The following DDR1 variants were observed in gnomAD, a reference collection of about 807,000 sequenced individuals.
DDR1 encodes the protein epithelial discoidin domain-containing receptor 1.
DDR1 carries 64 observed loss-of-function variants against 97.4 expected under a neutral mutation model. The observed-to-expected ratio is 0.66, with a 90% CI of 0.54 to 0.81. The LOEUF (loss-of-function observed/expected upper bound fraction) is 0.81, where lower values mean the gene tolerates loss of function less well. Ranked by LOEUF, DDR1 falls within the 30% of genes least tolerant of loss-of-function variation. The pLI, the probability that DDR1 is intolerant of heterozygous loss-of-function variation, is 0.00. For missense variants in DDR1, 990 were observed against 1,259.6 expected, an observed-to-expected ratio of 0.79 and a Z score of 3.24; for synonymous variants, 458 against 503.7, an observed-to-expected ratio of 0.91 and a Z score of 1.21.
At position 30,897,489 on chromosome 6, in the gene DDR1, A is replaced by G; in HGVS notation, c.2108A>G (p.Tyr703Cys). The change falls in exon 15 of 18, where the codon TAC becomes TGC. Residue 703 changes from tyrosine (Y) to cysteine (C), a missense_variant. Transcript: ENST00000376568. This position sits in a 1 kb window ranked among gnomAD's most constrained non-coding sequence, Gnocchi z 5.2. ...GACCCCCTCTGCATGATTACTGACTACATGGAGAACGGCGACCTCAACCAG... is the reference window on the plus strand; with the variant it reads ...GACCCCCTCTGCATGATTACTGACTGCATGGAGAACGGCGACCTCAACCAG... ...QDDPLCMITD[Y>C]MENGDLNQFL... 6.2e-7 allele frequency: 1 copy of G among 1,614,128 alleles called. No individual in the cohort carries two copies. Among genetic ancestry groups the G allele is most frequent in the Non-Finnish European group, 8.5e-7 (1 of 1,179,996 alleles).
chr6:30,899,789 C>T lies in DDR1; in HGVS notation c.*493C>T. 2.7e-6 allele frequency: 1 copy of T among 371,104 alleles called. No homozygotes were observed. The highest frequency in any genetic ancestry group is 5.0e-6 in the Non-Finnish European group (1 of 198,792). The allele number at this position is 371,104 out of a possible 1,614,324, so 23.0% of individuals were successfully genotyped here. ...GGAAAATGTTTCCTTGTGCCTGCTC[C>T]TGTACTTGTCCTCAGCTTGGGCTTC... is the stretch of plus-strand genomic sequence containing the variant. On this transcript the variant is annotated 3_prime_UTR_variant, in exon 18 of 18. Transcript: ENST00000376568.
rs138102816 is a variant in DDR1 at position 30,892,341 on chromosome 6, G to A, written c.898G>A (p.Gly300Arg). Residue 300 changes from glycine to arginine, a missense_variant, in exon 8 of 18, where the codon GGG becomes AGG. Coordinates refer to ENST00000376568, the MANE Select transcript of DDR1 (RefSeq NM_001297654.2). ...MHTLGARLPGGVECRFRRGPA... is the reference protein window; with the variant it reads ...MHTLGARLPGRVECRFRRGPA... Reference sequence around the variant, plus strand: ...CACGCTGGGAGCCCGTCTGCCTGGCGGGGTGGAATGTCGCTTCCGGCGTGG... The same window carrying A: ...CACGCTGGGAGCCCGTCTGCCTGGCAGGGTGGAATGTCGCTTCCGGCGTGG... 2.0e-5 allele frequency: 32 copies of A among 1,577,576 alleles called. No homozygotes were observed. In the African/African-American group the frequency reaches 2.8e-4, roughly 14 times the overall value.
Position 30,898,100 on chromosome 6 carries a change from C to T in DDR1, c.2244C>T (p.Ala748=), listed in dbSNP as rs767762910. 8 of 1,614,230 alleles carry T rather than the reference C, an allele frequency of 5.0e-6. No homozygotes were observed. Among genetic ancestry groups the T allele is most frequent in the Non-Finnish European group, 5.9e-6 (7 of 1,180,026 alleles). Residue 748 remains alanine, a synonymous_variant, in exon 16 of 18, where the codon GCC becomes GCT. Coordinates refer to ENST00000376568, the MANE Select transcript of DDR1 (RefSeq NM_001297654.2). ...ACCCAATGCTGCTGCATGTGGCAGC[C>T]CAGATCGCCTCCGGCATGCGCTATC... is the stretch of plus-strand genomic sequence containing the variant. ...ISYPMLLHVA[A]QIASGMRYLA...
In DDR1 at chr6:30,889,506, C is replaced by A; in HGVS notation, c.417+76C>A. ...AGCTGTACTTTAAACACCACCTATA[C>A]GCTGACGACTCTCCAGTTTATATCA... On this transcript the variant is annotated intron_variant, in intron 4 of 17. Transcript: ENST00000376568. This position sits in a 1 kb window ranked among gnomAD's most constrained non-coding sequence, Gnocchi z 4.9. 1 of 1,054,778 alleles carries A rather than the reference C, an allele frequency of 9.5e-7. No homozygotes were observed. The highest frequency in any genetic ancestry group is 1.7e-5 in the South Asian group (1 of 59,074). The allele number at this position is 1,054,778 out of a possible 1,614,324, so 65.3% of individuals were successfully genotyped here. A position where few individuals can be genotyped will look rare whatever the true frequency, so the allele number is the denominator to read the frequency against.
Position 30,896,537 on chromosome 6 carries a change from T to C in DDR1, c.1625-84T>C, listed in dbSNP as rs940238902. 2.6e-6 allele frequency: 4 copies of C among 1,510,366 alleles called. No individual in the cohort carries two copies. In the African/African-American group the frequency reaches 5.6e-5, roughly 21 times the overall value. 93.6% of individuals were successfully genotyped at this position (1,510,366 alleles called of 1,614,324 possible). ...CACTCAACCGGGAGACACAGGGCCC[T>C]CCGGGAGGCTGAGGTGTGGGGAACT... On this transcript the variant is annotated intron_variant, in intron 12 of 17. Transcript: ENST00000376568.
In DDR1 at chr6:30,890,117, G is replaced by A. The variant is rs1264322; in HGVS notation, c.417+687G>A. On this transcript the variant is annotated intron_variant, in intron 4 of 17. Coordinates refer to ENST00000376568, the MANE Select transcript of DDR1 (RefSeq NM_001297654.2). This position sits in a 1 kb window ranked among gnomAD's most constrained non-coding sequence, Gnocchi z 5.0. ...AGTCAAATCTCCACCTGGGGGGGCG[G>A]CATCCAGTGGACCTTAGAGCATGTA... is the stretch of plus-strand genomic sequence containing the variant. Among the ~76,000 whole-genome samples the A allele has an allele frequency of 0.075, 11,338 of 152,114 alleles. 609 individuals carry two copies. The highest frequency in any genetic ancestry group is 0.12 in the Non-Finnish European group (8,100 of 67,970).
In DDR1 at chr6:30,889,433, G is replaced by A. The variant is rs2150304161; in HGVS notation, c.417+3G>A. On this transcript the variant is annotated splice_donor_region_variant and intron_variant, in intron 4 of 17. Transcript: ENST00000376568. This position sits in a 1 kb window ranked among gnomAD's most constrained non-coding sequence, Gnocchi z 4.9. ...GGAAGGACCGCTGGGGTCAGGAGGT[G>A]AGACTGGCAGGGGCAGCACCCAGAG... The A allele has an allele frequency of 6.6e-7, 1 of 1,519,938 alleles. No individual in the cohort carries two copies. Among genetic ancestry groups the A allele is most frequent in the Non-Finnish European group, 8.8e-7 (1 of 1,134,938 alleles). The allele number at this position is 1,519,938 out of a possible 1,614,324, so 94.2% of individuals were successfully genotyped here. A position where few individuals can be genotyped will look rare whatever the true frequency, so the allele number is the denominator to read the frequency against.
upstream of DDR1, chr6:30,883,245 T>C (rs2150198604): frequency 6.6e-6 from 1 of 152,400 alleles, no homozygotes; most frequent in African/African-American, 2.4e-5. This position sits in a 1 kb window ranked among gnomAD's most constrained non-coding sequence, Gnocchi z 4.9. Context: ...AAGCAGGGTA[T>C]GTTTTTATCT....
chr6:30,882,820 T>G (rs1784510240), upstream of DDR1: 3 of 152,522 alleles, frequency 2.0e-5, no homozygotes, highest in Non-Finnish European at 4.4e-5. This position sits in a 1 kb window ranked among gnomAD's most constrained non-coding sequence, Gnocchi z 4.8. Flanking sequence ...GTAGCTTGCC[T>G]GGCAGGCCTG....
chr6:30,898,692 G>A (rs991281384), intron 16 of DDR1, among the ~76,000 whole-genome samples, 196 bp from the exon 17 acceptor site: 2 of 152,130 alleles, frequency 1.3e-5, no homozygotes, highest in African/African-American at 4.8e-5. Context: ...GAGGACCAGA[G>A]CATGGAGAGG....
In DDR1 at chr6:30,899,801, T is replaced by C; in HGVS notation, c.*505T>C. On this transcript the variant is annotated 3_prime_UTR_variant, in exon 18 of 18. Coordinates refer to ENST00000376568, the MANE Select transcript of DDR1 (RefSeq NM_001297654.2). ...CTTGTGCCTGCTCCTGTACTTGTCC[T>C]CAGCTTGGGCTTCTTCCTCCTCCAT... 2.7e-6 allele frequency: 1 copy of C among 369,692 alleles called. No homozygotes were observed. Among genetic ancestry groups the C allele is most frequent in the Non-Finnish European group, 5.1e-6 (1 of 197,824 alleles). The allele number at this position is 369,692 out of a possible 1,614,324, so 22.9% of individuals were successfully genotyped here.
chr6:30,885,367 C>T, intron 1 of DDR1: 8 of 1,125,136 alleles, frequency 7.1e-6, no homozygotes, highest in Non-Finnish European at 1.0e-5. Flanking sequence ...GTGTCCAGGA[C>T]TGAGTGGTGT....
At chr6:30,885,257 C>G in intron 1 of DDR1, 1 of 1,531,826 alleles carries the variant, frequency 6.5e-7, no homozygotes, top group Non-Finnish European at 8.7e-7. Flanking sequence ...AGGGTCCCAC[C>G]CCCCCATGCC....
intron 1 of DDR1, chr6:30,887,057 C>G (rs1377852739): frequency 1.3e-5 from 2 of 152,200 alleles, no homozygotes; most frequent in Non-Finnish European, 2.9e-5. Flanking sequence ...TTCTTCCATG[C>G]TTCCAGGTAT....
At chr6:30,893,211 G>A (rs1789270370) in intron 9 of DDR1, 48 bp downstream of exon 9, 1 of 1,595,262 alleles carries the variant, frequency 6.3e-7, no homozygotes, top group Admixed American at 1.7e-5. Flanking sequence ...CCTTCTCCCT[G>A]GGCCTCCCCC....
chr6:30,892,959 T>G, intron 8 of DDR1, 109 bp from the exon 9 acceptor site: 27 of 981,952 alleles, frequency 2.7e-5, no homozygotes, highest in Non-Finnish European at 3.9e-5. Flanking sequence ...GGTTGCCTAT[T>G]GAGAATCACC....
At position 30,897,564 on chromosome 6, in the gene DDR1, G is replaced by A. The variant is rs754734603; in HGVS notation, c.2183G>A (p.Gly728Glu). 8.7e-6 allele frequency: 14 copies of A among 1,613,172 alleles called. No individual in the cohort carries two copies. The highest frequency in any genetic ancestry group is 1.1e-5 in the Non-Finnish European group (13 of 1,179,972). ...LEDKAAEGAP[G>E]DGQAAQGPTI... ...GACAAGGCAGCCGAGGGGGCCCCTG[G>A]GGACGGGCAGGCTGCGCAGGGGCCC... Residue 728 changes from glycine (G) to glutamate (E), a missense_variant, in exon 15 of 18, where the codon GGG becomes GAG. Physicochemically the swap from Gly to Glu is moderately conservative, Grantham distance 98. Coordinates refer to ENST00000376568, the MANE Select transcript of DDR1 (RefSeq NM_001297654.2). This position sits in a 1 kb window ranked among gnomAD's most constrained non-coding sequence, Gnocchi z 5.2.
rs2150425673 is a variant in DDR1, at chr6:30,896,770, C to T, written c.1774C>T (p.Pro592Ser). 3.8e-6 allele frequency: 6 copies of T among 1,582,838 alleles called. No homozygotes were observed. Among genetic ancestry groups the T allele is most frequent in the South Asian group, 1.2e-5 (1 of 86,880 alleles). Residue 592 changes from proline (P) to serine (S), a missense_variant, in exon 13 of 18, where the codon CCC becomes TCC. Coordinates refer to ENST00000376568, the MANE Select transcript of DDR1 (RefSeq NM_001297654.2). The part of the protein sequence containing the change: ...GGNTYAVPAL[P>S]PGAVGDGPPR... The stretch of plus-strand genomic sequence containing the variant: ...CAACACCTATGCTGTGCCTGCACTG[C>T]CCCCAGGGGCAGTCGGGGATGGGCC...
Position 30,891,069 on chromosome 6 carries a change from C to A in DDR1, c.514C>A (p.Arg172=), listed in dbSNP as rs141547665. 3.1e-6 allele frequency: 5 copies of A among 1,612,926 alleles called. No individual in the cohort carries two copies. In the African/African-American group the frequency reaches 5.3e-5, roughly 17 times the overall value. ...GGTTCGCTTCTACCCCCGGGCTGAC[C>A]GGGTCATGAGCGTCTGTCTGCGGGT... ...RLVRFYPRAD[R]VMSVCLRVEL... Residue 172 remains arginine (R), a synonymous_variant, in exon 5 of 18, where the codon CGG becomes AGG. Coordinates refer to ENST00000376568, the MANE Select transcript of DDR1 (RefSeq NM_001297654.2). The surrounding 1 kb of genome is among the most constrained non-coding windows in gnomAD (Gnocchi z 5.3).
Sources: gnomAD v4.1 joint callset for allele counts (sites outside exome capture counted in the v4.1 genomes callset) on GRCh38, gnomAD v4.1.1 for gene constraint, Gnocchi (gnomAD v3.1) non-coding constraint, MANE v1.5 for transcripts, NCBI Gene and HGNC (gene_info 2026-07-23, HGNC 2026-07-21) for gene names.